Variants in ELMO1 observed in about 807,000 individuals in gnomAD.
ELMO1 encodes engulfment and cell motility protein 1.
A neutral mutation model predicts 98.9 loss-of-function variants in ELMO1; 26 were observed. That is an observed-to-expected ratio of 0.26 (90% CI 0.19 to 0.36). The LOEUF (loss-of-function observed/expected upper bound fraction) is 0.36, where lower values mean the gene tolerates loss of function less well. Among genes scored for constraint, ELMO1 ranks in the 10% least tolerant of loss-of-function variants. The pLI is 1.00. For missense variants in ELMO1, 627 were observed against 935.2 expected (o/e 0.67, Z 4.30); for synonymous variants, 346 against 346.0 (o/e 1.00, Z 0.00).
chr7:37,194,688 C>T (rs1300821847), intron 13 of ELMO1, among the ~76,000 whole-genome samples: 1 of 152,162 alleles, frequency 6.6e-6, no homozygotes, highest in Admixed American at 6.5e-5. Context: ...GTCACCCACG[C>T]TCCTCCTCCT....
chr7:37,115,074 C>A (rs1036254486), intron 14 of ELMO1, among the ~76,000 whole-genome samples: 1 of 152,092 alleles, frequency 6.6e-6, no homozygotes, highest in Non-Finnish European at 1.5e-5. Flanking sequence ...TCTGAAGAGA[C>A]CTATATCTAT....
intron 1 of ELMO1, among the ~76,000 whole-genome samples, chr7:37,381,468 A>G (rs981328332): frequency 6.6e-6 from 1 of 152,244 alleles, no homozygotes; most frequent in Non-Finnish European, 1.5e-5. Context: ...TCAGTAATAT[A>G]CAACCCTGCA....
chr7:37,250,853 T>A (rs549179522), intron 6 of ELMO1, among the ~76,000 whole-genome samples: 2 of 151,812 alleles, frequency 1.3e-5, no homozygotes, highest in East Asian at 1.9e-4. Context: ...TGAATTTAAC[T>A]TTTGTTCGCA....
At chr7:37,099,930 C>T (rs942192481) in intron 14 of ELMO1, among the ~76,000 whole-genome samples, 6 of 151,698 alleles carry the variant, frequency 4.0e-5, no homozygotes, top group African/African-American at 1.5e-4. Context: ...CCCCGCCAAG[C>T]TCAAGCGATT....
chr7:37,203,737 G>T (rs1007381485), intron 13 of ELMO1, among the ~76,000 whole-genome samples: 3 of 152,156 alleles, frequency 2.0e-5, no homozygotes, highest in African/African-American at 7.2e-5. Flanking sequence ...AGGCGGCAAG[G>T]GTCAGAATAG....
At chr7:37,343,022 A>C in intron 1 of ELMO1, 1 of 276,490 alleles carries the variant, frequency 3.6e-6, no homozygotes, top group Middle Eastern at 1.2e-3. Flanking sequence ...GCTTGCGCGA[A>C]TCTTCAGTGG....
chr7:37,173,330 T>C (rs1790294944), intron 13 of ELMO1, among the ~76,000 whole-genome samples: 1 of 152,132 alleles, frequency 6.6e-6, no homozygotes, highest in African/African-American at 2.4e-5. Context: ...AGTGACCATG[T>C]GAGGTTCCAA....
intron 8 of ELMO1, among the ~76,000 whole-genome samples, chr7:37,231,332 C>CA (rs35802499): frequency 0.59 from 84,853 of 144,472 alleles, 24,480 homozygotes; most frequent in Non-Finnish European, 0.64. Context: ...TGATTAATTT[C>CA]AAAAAAAAAA....
intron 1 of ELMO1, among the ~76,000 whole-genome samples, chr7:37,383,047 T>C (rs1474229793): frequency 6.6e-6 from 1 of 152,232 alleles, no homozygotes; most frequent in African/African-American, 2.4e-5. Flanking sequence ...AACAAGAACA[T>C]TCTTTTAGAT....
chr7:37,192,750 A>G (rs1336772260), intron 13 of ELMO1, among the ~76,000 whole-genome samples: 1 of 142,276 alleles, frequency 7.0e-6, no homozygotes, highest in African/African-American at 2.6e-5. Flanking sequence ...GTGAGCCAGG[A>G]TTGCACCACC....
intron 1 of ELMO1, among the ~76,000 whole-genome samples, chr7:37,361,714 T>G (rs1466934333): frequency 2.0e-5 from 3 of 152,224 alleles, no homozygotes; most frequent in Non-Finnish European, 4.4e-5. Context: ...ATCCCAGCAC[T>G]TTGGGAGGCC....
chr7:37,071,770 T>C (rs1388936276), intron 15 of ELMO1, among the ~76,000 whole-genome samples: 2 of 152,194 alleles, frequency 1.3e-5, no homozygotes, highest in Non-Finnish European at 2.9e-5. Context: ...TCTTTAATTT[T>C]GCTAGTAGAT....
At chr7:37,152,167 A>G (rs1242499910) in intron 13 of ELMO1, among the ~76,000 whole-genome samples, 1 of 152,234 alleles carries the variant, frequency 6.6e-6, no homozygotes, top group East Asian at 1.9e-4. Context: ...GTCCTTGTGA[A>G]CCTCATGCAG....
chr7:37,215,621 G>T (rs13223705), intron 11 of ELMO1, among the ~76,000 whole-genome samples: 306 of 152,246 alleles, frequency 2.0e-3, no homozygotes, highest in Middle Eastern at 3.4e-3. Flanking sequence ...AAACTCCAAA[G>T]CCCACTGAAA....
chr7:37,387,174 T>C (rs938164565), intron 1 of ELMO1, among the ~76,000 whole-genome samples: 2 of 152,212 alleles, frequency 1.3e-5, no homozygotes, highest in African/African-American at 2.4e-5. Flanking sequence ...CCCTGGCCTA[T>C]CCTGAAAAGA....
chr7:37,169,809 C>T (rs967571587), intron 13 of ELMO1, among the ~76,000 whole-genome samples: 3 of 152,182 alleles, frequency 2.0e-5, no homozygotes, highest in African/African-American at 7.2e-5. Context: ...GGCATTTTGG[C>T]TTACGAGCAC....
intron 16 of ELMO1, among the ~76,000 whole-genome samples, chr7:36,961,380 C>T (rs554591606): frequency 2.0e-5 from 3 of 152,220 alleles, no homozygotes; most frequent in African/African-American, 7.2e-5. Context: ...AGAAAAGCAA[C>T]CAAAGCTGTT....
intron 14 of ELMO1, among the ~76,000 whole-genome samples, chr7:37,126,709 T>C (rs545282410): frequency 6.6e-6 from 1 of 152,222 alleles, no homozygotes; most frequent in African/African-American, 2.4e-5. Context: ...TGCTTTTCCA[T>C]GTCAGGTATT....
intron 21 of ELMO1, among the ~76,000 whole-genome samples, chr7:36,857,824 C>T (rs1029251091): frequency 6.6e-6 from 1 of 152,104 alleles, no homozygotes; most frequent in African/African-American, 2.4e-5. Flanking sequence ...ATATCATTTC[C>T]CACTACAAGT....
Sources: gnomAD v4.1 joint callset for allele counts (sites outside exome capture counted in the v4.1 genomes callset) on GRCh38, gnomAD v4.1.1 for gene constraint, MANE v1.5 for transcripts, NCBI Gene and HGNC (gene_info 2026-07-23, HGNC 2026-07-21) for gene names.